Variants in NUTM2G observed in about 807,000 individuals in gnomAD.
The protein encoded by NUTM2G is NUT family member 2G.
NUTM2G carries 29 observed loss-of-function variants against 44.3 expected under a neutral mutation model. That is an observed-to-expected ratio of 0.66 (90% CI 0.49 to 0.89). The LOEUF (loss-of-function observed/expected upper bound fraction) is 0.89. Among genes scored for constraint, NUTM2G ranks in the 40% least tolerant of loss-of-function variants. The pLI is 0.00. For synonymous variants in NUTM2G, 205 were observed against 395.9 expected (o/e 0.52, Z 5.72); for missense variants, 502 against 946.5 (o/e 0.53, Z 6.16).
chr9:96,935,354 G>A lies in NUTM2G; in HGVS notation c.740G>A (p.Arg247Gln), dbSNP rs199913272. ...LIPVLRSLAR[R>Q]KPTMTLEEGL... ...CCAGTTCTCCGATCCCTGGCCCGGC[G>A]GAAGCCCACCATGACGCTGGAGGAG... The change falls in exon 3 of 7, where the codon CGG (arginine) becomes CAG (glutamine). Residue 247 changes from arginine (R) to glutamine (Q), a missense_variant. Coordinates refer to ENST00000372322, the MANE Select transcript of NUTM2G (RefSeq NM_001170741.3). 227 of 1,612,044 alleles carry A rather than the reference G, an allele frequency of 1.4e-4. 1 individual carries two copies. Among genetic ancestry groups the A allele is most frequent in the Middle Eastern group, 2.3e-4 (1 of 4,430 alleles).
rs1239279673 is a variant in NUTM2G, at chr9:96,936,422, C to T, written c.843-3C>T. On this transcript the variant is annotated splice_polypyrimidine_tract_variant and splice_region_variant and intron_variant, in intron 3 of 6. Coordinates refer to ENST00000372322, the MANE Select transcript of NUTM2G (RefSeq NM_001170741.3). ...GCACAGCCTGGGCCTCCTTCACCCCCAGGTTCCTGGAGTTTGAGGCTGAGG... is the reference window on the plus strand; with the variant it reads ...GCACAGCCTGGGCCTCCTTCACCCCTAGGTTCCTGGAGTTTGAGGCTGAGG... 1 of 1,577,784 alleles carries T rather than the reference C, an allele frequency of 6.3e-7. No individual in the cohort carries two copies. Among genetic ancestry groups the T allele is most frequent in the South Asian group, 1.1e-5 (1 of 87,644 alleles).
intron 4 of NUTM2G, among the ~76,000 whole-genome samples, 176 bp downstream of exon 4, chr9:96,936,740 C>T (rs992714963): frequency 6.6e-6 from 1 of 152,152 alleles, no homozygotes; most frequent in African/African-American, 2.4e-5. Context: ...CATGGGTGGC[C>T]CGTGATCACG....
At chr9:96,929,179 G>A (rs558620834) in intron 1 of NUTM2G, 139 bp downstream of exon 1, 172 of 1,387,848 alleles carry the variant, frequency 1.2e-4, no homozygotes, top group Middle Eastern at 1.9e-4. Context: ...CATCACACCT[G>A]GGGATGGCCA....
intron 5 of NUTM2G, among the ~76,000 whole-genome samples, chr9:96,937,643 GTGTC>G (rs763076683): frequency 1.3e-5 from 2 of 152,022 alleles, no homozygotes; most frequent in Non-Finnish European, 2.9e-5. Context: ...TATGTTACCT[GTGTC>G]TGTCTTTTCC....
At chr9:96,929,118 G>T in intron 1 of NUTM2G, 78 bp downstream of exon 1, 1 of 1,592,862 alleles carries the variant, frequency 6.3e-7, no homozygotes, top group Non-Finnish European at 8.6e-7. Flanking sequence ...AACTGTCCCT[G>T]GGGACAGCTT....
At chr9:96,933,138 C>T (rs555249472) in intron 2 of NUTM2G, among the ~76,000 whole-genome samples, 6 of 151,204 alleles carry the variant, frequency 4.0e-5, no homozygotes, top group Admixed American at 3.3e-4. Flanking sequence ...CCACCATGCC[C>T]GGCTAATTTT....
chr9:96,941,103 G>A (rs1362684436), downstream of NUTM2G, among the ~76,000 whole-genome samples: 1 of 149,382 alleles, frequency 6.7e-6, no homozygotes, highest in Non-Finnish European at 1.5e-5. Context: ...AAGGGAATGT[G>A]GTCCGTACTC....
rs1413773061 is a variant in NUTM2G at position 96,935,478 on chromosome 9, C to T, written c.842+22C>T. On this transcript the variant is annotated intron_variant, in intron 3 of 6. Coordinates refer to ENST00000372322, the MANE Select transcript of NUTM2G (RefSeq NM_001170741.3). ...CAAAGTGAGTCTGGGGTCCTGGGGG[C>T]AGGGCCCGTGTGGCGGGGTGAGAGT... 3.1e-6 allele frequency: 5 copies of T among 1,611,844 alleles called. No homozygotes were observed. In the African/African-American group the frequency reaches 5.3e-5, roughly 17 times the overall value.
chr9:96,929,385 C>A (rs955341099), intron 1 of NUTM2G, among the ~76,000 whole-genome samples: 2 of 151,742 alleles, frequency 1.3e-5, no homozygotes, highest in Non-Finnish European at 2.9e-5. Flanking sequence ...GACGGGCAAG[C>A]CTGAGCCCTG....
intron 2 of NUTM2G, among the ~76,000 whole-genome samples, chr9:96,932,738 C>T (rs1263904455): frequency 5.9e-5 from 9 of 151,494 alleles, no homozygotes; most frequent in African/African-American, 7.3e-5. Context: ...TCACAACCTC[C>T]GCCTCCTGGG....
chr9:96,937,107 C>G lies in NUTM2G; in HGVS notation c.1026C>G (p.Cys342Trp). Residue 342 changes from cysteine (C) to tryptophan (W), a missense_variant, in exon 5 of 7, where the codon TGC (cysteine) becomes TGG (tryptophan). By Grantham distance (215) the Cys-to-Trp change is radical. Coordinates refer to ENST00000372322, the MANE Select transcript of NUTM2G (RefSeq NM_001170741.3). Reference protein sequence around the residue: ...SKDGPKAPTACLPPPRPQRPA... With the variant: ...SKDGPKAPTAWLPPPRPQRPA... ...ATGGCCCCAAGGCCCCGACTGCCTG[C>G]CTGCCACCACCCAGGCCCCAGAGGC... The G allele has an allele frequency of 6.2e-7, 1 of 1,611,416 alleles. No homozygotes were observed. The highest frequency in any genetic ancestry group is 8.5e-7 in the Non-Finnish European group (1 of 1,179,614).
At chr9:96,934,298 A>T (rs1283773725) in intron 2 of NUTM2G, among the ~76,000 whole-genome samples, 2 of 152,288 alleles carry the variant, frequency 1.3e-5, no homozygotes, top group East Asian at 3.9e-4. Context: ...GAGCATATCC[A>T]CCGTGCAACA....
At chr9:96,936,781 A>G (rs1339964716) in intron 4 of NUTM2G, among the ~76,000 whole-genome samples, 1 of 152,054 alleles carries the variant, frequency 6.6e-6, no homozygotes, top group Non-Finnish European at 1.5e-5. Context: ...CAAGTTTCCT[A>G]CTTTCTCTCT....
rs1390549896 is a variant in NUTM2G at position 96,938,491 on chromosome 9, T to TC, written c.1571dup (p.Asp525Ter). ...GCTGGCCAAGAAGCAGCGAGAGAGG[T>TC]CCCTGACCCCCAACAAAGGGTCAGC... On this transcript the variant is annotated frameshift_variant, in exon 7 of 7. Transcript: ENST00000372322. LOFTEE classifies it low-confidence loss of function (END_TRUNC). The TC allele has an allele frequency of 6.2e-7, 1 of 1,601,394 alleles. No homozygotes were observed. Among genetic ancestry groups the TC allele is most frequent in the African/African-American group, 1.3e-5 (1 of 74,516 alleles).
Position 96,931,827 on chromosome 9 carries a change from C to G in NUTM2G, c.122C>G (p.Pro41Arg). The change falls in exon 2 of 7, where the codon CCG becomes CGG. Residue 41 changes from proline to arginine, a missense_variant. Pro to Arg is a moderately radical substitution (Grantham distance 103). Coordinates refer to ENST00000372322, the MANE Select transcript of NUTM2G (RefSeq NM_001170741.3). ...CCCTCTCCCGGCCCAACACACAGGC[C>G]GCCCCTCGTGACTGCAGTGGTTCCT... ...ATPSPGPTHRPPLVTAVVPPA... is the reference protein window; with the variant it reads ...ATPSPGPTHRRPLVTAVVPPA... The G allele has an allele frequency of 1.9e-6, 3 of 1,612,294 alleles. No homozygotes were observed. Among genetic ancestry groups the G allele is most frequent in the Non-Finnish European group, 2.5e-6 (3 of 1,179,864 alleles).
At chr9:96,936,785 T>C (rs1454783183) in intron 4 of NUTM2G, among the ~76,000 whole-genome samples, 2 of 152,162 alleles carry the variant, frequency 1.3e-5, no homozygotes, top group East Asian at 1.9e-4. Flanking sequence ...TTTCCTACTT[T>C]CTCTCTCCCC....
rs565838205 is a variant in NUTM2G at position 96,936,700 on chromosome 9, G to A, written c.982+136G>A. 13 of 1,442,654 alleles carry A rather than the reference G, an allele frequency of 9.0e-6. 1 individual carries two copies. In the African/African-American group the frequency reaches 1.1e-4, roughly 13 times the overall value. 89.4% of individuals were successfully genotyped at this position (1,442,654 alleles called of 1,614,324 possible). A position where few individuals can be genotyped will look rare whatever the true frequency, so the allele number is the denominator to read the frequency against. On this transcript the variant is annotated intron_variant, in intron 4 of 6. Transcript: ENST00000372322. ...AACAGGACAGCTTCCGGGACTGTAT[G>A]TTGGGTATTGACCAGGTCAATACCT... is the stretch of plus-strand genomic sequence containing the variant.
rs1168888338 is a variant in NUTM2G, at chr9:96,930,872, G to GTTTTTTTTTTTTT, written c.17-822_17-810dup. Among the ~76,000 whole-genome samples, 22 of 72,722 alleles carry GTTTTTTTTTTTTT rather than the reference G, an allele frequency of 3.0e-4. 6 individuals carry two copies. The highest frequency in any genetic ancestry group is 9.5e-4 in the East Asian group (2 of 2,098). The allele number at this position is 72,722 out of a possible 152,430, so 47.7% of individuals were successfully genotyped here. Reference sequence around the variant, plus strand: ...GGCTTGGGCGAGTTTCCATCCAGTGGTTTTTTTTTTTTTTTTTTTTTTTTT... The same window carrying GTTTTTTTTTTTTT: ...GGCTTGGGCGAGTTTCCATCCAGTGGTTTTTTTTTTTTTTTTTTTTTTTTTTTTTTTTTTTTTT... On this transcript the variant is annotated intron_variant, in intron 1 of 6. Coordinates refer to ENST00000372322, the MANE Select transcript of NUTM2G (RefSeq NM_001170741.3).
chr9:96,931,456 C>T (rs559172282), intron 1 of NUTM2G, among the ~76,000 whole-genome samples: 9 of 151,816 alleles, frequency 5.9e-5, no homozygotes, highest in Middle Eastern at 3.4e-3. Context: ...CAGGGACACC[C>T]GAGGGAGACC....
Sources: allele counts gnomAD v4.1 joint callset (sites outside exome capture counted in the v4.1 genomes callset), GRCh38; gene constraint gnomAD v4.1.1; transcripts MANE v1.5; gene names NCBI Gene and HGNC (gene_info 2026-07-23, HGNC 2026-07-21).